Variants in ZBTB20 observed in about 807,000 individuals in gnomAD.
ZBTB20 encodes zinc finger and BTB domain-containing protein 20.
A neutral mutation model predicts 56.9 loss-of-function variants in ZBTB20; 9 were observed. The observed-to-expected ratio is 0.16, with a 90% CI of 0.10 to 0.28. ZBTB20 has a LOEUF of 0.28. ZBTB20 is among the 10% of genes least tolerant of loss of function. ZBTB20 has a pLI of 1.00. For missense variants in ZBTB20, 655 were observed against 1,003.0 expected, an observed-to-expected ratio of 0.65 and a Z score of 4.69; for synonymous variants, 417 against 420.7, an observed-to-expected ratio of 0.99 and a Z score of 0.11.
intron 5 of ZBTB20, among the ~76,000 whole-genome samples, chr3:114,763,386 G>A (rs529113842): frequency 1.3e-5 from 2 of 152,226 alleles, no homozygotes; most frequent in South Asian, 4.2e-4. Flanking sequence ...TTTGCTACAA[G>A]TAATTTAATG....
At chr3:114,721,158 T>C (rs556304442) in intron 5 of ZBTB20, among the ~76,000 whole-genome samples, 3 of 152,232 alleles carry the variant, frequency 2.0e-5, no homozygotes, top group Admixed American at 2.0e-4. Flanking sequence ...ACGGGGTCCT[T>C]GAATAATGGG....
intron 4 of ZBTB20, among the ~76,000 whole-genome samples, chr3:114,812,350 C>T (rs2072598017): frequency 6.6e-6 from 1 of 152,120 alleles, no homozygotes. Context: ...AGTGTCCACA[C>T]AAAGGTTCTC....
intron 7 of ZBTB20, among the ~76,000 whole-genome samples, chr3:114,483,803 T>A (rs1325050340): frequency 1.3e-5 from 2 of 152,174 alleles, no homozygotes; most frequent in Admixed American, 1.3e-4. Flanking sequence ...GGGGGAATTA[T>A]GATGTGAGCT....
chr3:114,631,886 AC>A (rs2107837221), intron 6 of ZBTB20, among the ~76,000 whole-genome samples: 1 of 152,286 alleles, frequency 6.6e-6, no homozygotes, highest in South Asian at 2.1e-4. Context: ...TACCTCCCCT[AC>A]TTTTGCCTAA....
chr3:114,973,051 G>C (rs2077952867), intron 3 of ZBTB20, among the ~76,000 whole-genome samples: 1 of 152,164 alleles, frequency 6.6e-6, no homozygotes, highest in African/African-American at 2.4e-5. Context: ...AAGAACAGCA[G>C]AAATTACTGA....
chr3:114,579,280 A>C (rs2054402719), intron 6 of ZBTB20, among the ~76,000 whole-genome samples: 1 of 151,464 alleles, frequency 6.6e-6, no homozygotes, highest in Non-Finnish European at 1.5e-5. Flanking sequence ...ATTCAGAAAT[A>C]AATAATAAAA....
At chr3:114,830,688 A>C (rs1342308689) in intron 4 of ZBTB20, among the ~76,000 whole-genome samples, 2 of 152,036 alleles carry the variant, frequency 1.3e-5, no homozygotes, top group African/African-American at 4.8e-5. Context: ...GAGTTAAGTA[A>C]CTTGACTAAA....
chr3:114,340,029 T>C (rs2079641184), intron 11 of ZBTB20, among the ~76,000 whole-genome samples: 1 of 152,234 alleles, frequency 6.6e-6, no homozygotes, highest in Admixed American at 6.5e-5. Flanking sequence ...TTCAAGTTTA[T>C]CTATTTTAGA....
At chr3:114,967,595 A>G (rs909348706) in intron 3 of ZBTB20, among the ~76,000 whole-genome samples, 1 of 152,136 alleles carries the variant, frequency 6.6e-6, no homozygotes, top group Non-Finnish European at 1.5e-5. Context: ...CCTCAAGGGA[A>G]AAAAAAGGGG....
intron 6 of ZBTB20, chr3:114,529,226 T>C (rs1171896767): frequency 1.3e-5 from 2 of 152,172 alleles, no homozygotes; most frequent in Non-Finnish European, 2.9e-5. Context: ...CCAGGCCTGG[T>C]CCATTAAAAG....
rs1217388049 is a variant in ZBTB20, at chr3:114,336,986, T to C, written c.*2019A>G. 2.0e-5 allele frequency: 3 copies of C among 152,312 alleles called. No individual in the cohort carries two copies. Among genetic ancestry groups the C allele is most frequent in the East Asian group, 1.9e-4 (1 of 5,192 alleles). The allele number at this position is 152,312 out of a possible 1,614,324, so 9.4% of individuals were successfully genotyped here. The stretch of plus-strand genomic sequence containing the variant: ...CAGGACACTGTCTATAATGAAAATG[T>C]CTCTATTATAACACCTTGATCAGGA... On this transcript the variant is annotated 3_prime_UTR_variant, in exon 12 of 12. Coordinates refer to ENST00000675478, the MANE Select transcript of ZBTB20 (RefSeq NM_001348800.3).
At chr3:114,462,601 G>C (rs1227555987) in intron 7 of ZBTB20, among the ~76,000 whole-genome samples, 3 of 152,088 alleles carry the variant, frequency 2.0e-5, no homozygotes, top group Admixed American at 6.6e-5. Flanking sequence ...ATTGATTATG[G>C]TCACATATTT....
chr3:114,475,961 C>A (rs1037558211), intron 7 of ZBTB20, among the ~76,000 whole-genome samples: 20 of 151,824 alleles, frequency 1.3e-4, no homozygotes, highest in Non-Finnish European at 2.4e-4. Flanking sequence ...TGAAGAAATT[C>A]ATATTTTTCT....
intron 3 of ZBTB20, among the ~76,000 whole-genome samples, chr3:114,973,078 A>G (rs1255530974): frequency 3.9e-5 from 6 of 152,256 alleles, no homozygotes; most frequent in Non-Finnish European, 8.8e-5. Flanking sequence ...TATTGCTAAA[A>G]TGTATCTGTA....
At chr3:114,801,311 T>C (rs1354901673) in intron 4 of ZBTB20, 137 bp from the exon 5 acceptor site, 11 of 148,458 alleles carry the variant, frequency 7.4e-5, no homozygotes, top group South Asian at 2.1e-4. Context: ...TTTTCTTTTT[T>C]TTTTTTTTTT....
At chr3:115,137,151 A>G (rs2084672375) in intron 1 of ZBTB20, among the ~76,000 whole-genome samples, 1 of 152,100 alleles carries the variant, frequency 6.6e-6, no homozygotes, top group Non-Finnish European at 1.5e-5. Flanking sequence ...AATAAAGAAA[A>G]TATCAGATAT....
chr3:114,570,099 G>A (rs752439211), intron 6 of ZBTB20, among the ~76,000 whole-genome samples: 1 of 127,026 alleles, frequency 7.9e-6, no homozygotes, highest in East Asian at 1.9e-4. Context: ...TCAGTAATTT[G>A]CAATAAGGAT....
At chr3:114,640,880 A>AT (rs564295459) in intron 6 of ZBTB20, among the ~76,000 whole-genome samples, 73 of 150,966 alleles carry the variant, frequency 4.8e-4, no homozygotes, top group African/African-American at 1.3e-3. Context: ...ATTTTAGGTC[A>AT]TTTTTTTTTA....
intron 2 of ZBTB20, among the ~76,000 whole-genome samples, chr3:115,044,846 A>C (rs928966594): frequency 6.6e-6 from 1 of 152,368 alleles, no homozygotes; most frequent in East Asian, 1.9e-4. Context: ...TAAATGAAAT[A>C]ATGCTTAAGA....
Sources: gnomAD v4.1 joint callset for allele counts (sites outside exome capture counted in the v4.1 genomes callset) on GRCh38, gnomAD v4.1.1 for gene constraint, MANE v1.5 for transcripts, NCBI Gene and HGNC (gene_info 2026-07-23, HGNC 2026-07-21) for gene names.